The following MAP2K3 variants were observed in gnomAD, a reference collection of about 807,000 sequenced individuals.
MAP2K3 encodes the protein dual specificity mitogen-activated protein kinase kinase 3.
A neutral mutation model predicts 46.4 loss-of-function variants in MAP2K3; 30 were observed. The observed-to-expected ratio is 0.65, with a 90% confidence interval of 0.48 to 0.88. The LOEUF is 0.88. Ranked by LOEUF, MAP2K3 falls within the 40% of genes least tolerant of loss-of-function variation. The pLI, the probability that MAP2K3 is intolerant of heterozygous loss-of-function variation, is 0.00. For synonymous variants in MAP2K3, 189 were observed against 176.3 expected (o/e 1.07, Z -0.57); for missense variants, 380 against 464.5 (o/e 0.82, Z 1.67).
At chr17:21,304,987 G>T (rs942420434) in intron 8 of MAP2K3, 64 bp from the exon 9 acceptor site, 55 of 1,599,060 alleles carry the variant, frequency 3.4e-5, no homozygotes, top group Non-Finnish European at 4.3e-5. Context: ...GGATTGGGAG[G>T]CAAGGCCTAG....
At chr17:21,298,390 G>A (rs763980655) in intron 1 of MAP2K3, 23 bp from the exon 2 acceptor site, 10 of 1,614,296 alleles carry the variant, frequency 6.2e-6, no homozygotes, top group Admixed American at 1.7e-5. Flanking sequence ...TAGGCCAGAC[G>A]CCTCACCTTC....
At chr17:21,300,299 G>T (rs1245981602) in intron 3 of MAP2K3, among the ~76,000 whole-genome samples, 1 of 152,306 alleles carries the variant, frequency 6.6e-6, no homozygotes, top group African/African-American at 2.4e-5. Flanking sequence ...GGGGCATTTT[G>T]TCTCAGTCAC....
intron 9 of MAP2K3, among the ~76,000 whole-genome samples, chr17:21,311,175 A>G (rs1977140358): frequency 6.6e-6 from 1 of 152,202 alleles, no homozygotes; most frequent in African/African-American, 2.4e-5. Context: ...TCCGGGCTCC[A>G]GTTGCCAGTG....
intron 9 of MAP2K3, among the ~76,000 whole-genome samples, chr17:21,307,628 G>A (rs1207274335): frequency 1.3e-5 from 2 of 150,824 alleles, no homozygotes; most frequent in African/African-American, 4.9e-5. Context: ...TTTTACTGGT[G>A]TTGCTGCTAC....
chr17:21,298,281 G>A (rs1315867946), intron 1 of MAP2K3, 132 bp from the exon 2 acceptor site: 18 of 1,332,580 alleles, frequency 1.4e-5, no homozygotes, highest in Non-Finnish European at 1.8e-5. Flanking sequence ...CTGGCTTGGA[G>A]AGAGGGGGCT....
intron 1 of MAP2K3, among the ~76,000 whole-genome samples, chr17:21,291,038 C>G (rs1435119582): frequency 6.6e-6 from 1 of 152,418 alleles, no homozygotes; most frequent in Admixed American, 6.5e-5. Flanking sequence ...GTCAGGAGCT[C>G]GAGACCATCC....
intron 2 of MAP2K3, 116 bp from the exon 3 acceptor site, chr17:21,298,762 C>T: frequency 2.0e-6 from 3 of 1,505,372 alleles, no homozygotes; most frequent in East Asian, 2.3e-5. Flanking sequence ...GAGAAGGCGC[C>T]TCCGGGGCAG....
intron 9 of MAP2K3, among the ~76,000 whole-genome samples, chr17:21,306,593 T>C (rs530328552): frequency 1.3e-5 from 2 of 152,398 alleles, no homozygotes; most frequent in African/African-American, 4.8e-5. Context: ...TTCAAGCGAT[T>C]CTTGTGCCTC....
intron 1 of MAP2K3, among the ~76,000 whole-genome samples, chr17:21,291,883 C>A (rs1975958600): frequency 6.6e-6 from 1 of 152,430 alleles, no homozygotes; most frequent in South Asian, 2.1e-4. Flanking sequence ...CCTTGCTCAT[C>A]CTTTCCCAGA....
intron 1 of MAP2K3, among the ~76,000 whole-genome samples, chr17:21,296,976 G>A (rs80069973): frequency 0.033 from 4,920 of 148,672 alleles, no homozygotes; most frequent in Middle Eastern, 0.058. Flanking sequence ...GCCTGGCAGC[G>A]GGGTCCCCGG....
At chr17:21,289,890 C>G (rs1014251017) in intron 1 of MAP2K3, among the ~76,000 whole-genome samples, 2 of 152,236 alleles carry the variant, frequency 1.3e-5, no homozygotes, top group African/African-American at 2.4e-5. Context: ...CCTGGTTTCT[C>G]TGGGGAGGCC....
chr17:21,302,148 C>A lies in MAP2K3; in HGVS notation c.405C>A (p.Asp135Glu). ...GCTCTGGGTGTCACCCACAGGGAGACGTGTGGATCTGCATGGAGCTCATGG... is the reference window on the plus strand; with the variant it reads ...GCTCTGGGTGTCACCCACAGGGAGAAGTGTGGATCTGCATGGAGCTCATGG... ...TFYGALFREG[D>E]VWICMELMDT... Residue 135 changes from aspartate to glutamate, a missense_variant, in exon 6 of 12, where the codon GAC becomes GAA. Physicochemically the swap from Asp to Glu is conservative, Grantham distance 45 (BLOSUM62 2). This residue lies in a region of MAP2K3 where 294 missense variants were observed against 275.4 expected (regional missense o/e 1.07). Transcript: ENST00000342679. 1 of 1,613,338 alleles carries A rather than the reference C, an allele frequency of 6.2e-7. No homozygotes were observed. Among genetic ancestry groups the A allele is most frequent in the East Asian group, 2.2e-5 (1 of 44,812 alleles).
chr17:21,302,392 G>T, intron 6 of MAP2K3, 133 bp downstream of exon 6: 2 of 992,626 alleles, frequency 2.0e-6, no homozygotes, highest in Non-Finnish European at 3.1e-6. Flanking sequence ...CCTGAACCTG[G>T]GCAGCTGCCC....
chr17:21,295,869 G>A, intron 1 of MAP2K3: 1 of 1,285,850 alleles, frequency 7.8e-7, no homozygotes, highest in South Asian at 1.2e-5. Context: ...GAGGGACCAA[G>A]AGCAGAGAGA....
At position 21,291,578 on chromosome 17, in the gene MAP2K3, G is replaced by A. The variant is rs1204347254; in HGVS notation, c.49+6609G>A. The A allele has an allele frequency of 6.6e-6, 3 of 456,536 alleles. No homozygotes were observed. The East Asian group carries it at 2.1e-4, about 32-fold the overall frequency. The allele number at this position is 456,536 out of a possible 1,614,324, so 28.3% of individuals were successfully genotyped here. A position where few individuals can be genotyped will look rare whatever the true frequency, so the allele number is the denominator to read the frequency against. ...TCCCATTCTTCTGATGCTCTGGGAGGGCTGAGCATCACTTGTGGGTCCCCC... is the reference window on the plus strand; with the variant it reads ...TCCCATTCTTCTGATGCTCTGGGAGAGCTGAGCATCACTTGTGGGTCCCCC... On this transcript the variant is annotated intron_variant, in intron 1 of 11. Transcript: ENST00000342679.
intron 1 of MAP2K3, among the ~76,000 whole-genome samples, chr17:21,286,982 T>A (rs1975740392): frequency 6.6e-6 from 1 of 152,246 alleles, no homozygotes; most frequent in Non-Finnish European, 1.5e-5. Context: ...TTCTCATTTA[T>A]TCCTCATAGC....
intron 9 of MAP2K3, among the ~76,000 whole-genome samples, chr17:21,310,525 C>T (rs72838563): frequency 7.2e-5 from 11 of 152,384 alleles, no homozygotes; most frequent in South Asian, 2.1e-4. Context: ...GGCCTCCCCC[C>T]ATCCTGCAAG....
At chr17:21,291,662 T>A in intron 1 of MAP2K3, 1 of 447,102 alleles carries the variant, frequency 2.2e-6, no homozygotes, top group Non-Finnish European at 4.5e-6. Context: ...TGTGGGAGCC[T>A]GGGGCCAGAG....
intron 1 of MAP2K3, among the ~76,000 whole-genome samples, chr17:21,286,927 C>T (rs968720556): frequency 1.1e-4 from 17 of 152,144 alleles, no homozygotes; most frequent in African/African-American, 4.1e-4. Context: ...TGCCCTTCAC[C>T]AAAAACCCTA....
Sources: allele counts gnomAD v4.1 joint callset (sites outside exome capture counted in the v4.1 genomes callset), GRCh38; gene constraint gnomAD v4.1.1; regional missense constraint gnomAD v4.1.1; transcripts MANE v1.5; gene names NCBI Gene and HGNC (gene_info 2026-07-23, HGNC 2026-07-21).